The following DLGAP2 variants were observed in gnomAD, a reference collection of about 807,000 sequenced individuals.
DLGAP2 encodes the protein DLG associated protein 2.
A neutral mutation model predicts 100.3 loss-of-function variants in DLGAP2; 26 were observed. The observed-to-expected ratio is 0.26, with a 90% CI of 0.19 to 0.36. The LOEUF (loss-of-function observed/expected upper bound fraction) is 0.36, where lower values mean the gene tolerates loss of function less well. Ranked by LOEUF, DLGAP2 falls within the 10% of genes least tolerant of loss-of-function variation. The pLI is 1.00. For synonymous variants in DLGAP2, 886 were observed against 630.1 expected (o/e 1.41, Z -6.08); for missense variants, 1,858 against 1,453.2 (o/e 1.28, Z -4.53).
At chr8:1,367,747 C>T (rs1313517162) in intron 3 of DLGAP2, among the ~76,000 whole-genome samples, 2 of 152,202 alleles carry the variant, frequency 1.3e-5, no homozygotes, top group Non-Finnish European at 2.9e-5. Context: ...GCAGCACGTC[C>T]TTCACTGCAG....
intron 3 of DLGAP2, among the ~76,000 whole-genome samples, chr8:1,303,741 G>C (rs971569002): frequency 6.6e-6 from 1 of 152,070 alleles, no homozygotes; most frequent in Non-Finnish European, 1.5e-5. Flanking sequence ...TTTCTCCTCT[G>C]GTCTCTGGGG....
intron 3 of DLGAP2, chr8:1,302,653 T>G (rs1800384744): frequency 6.6e-6 from 1 of 152,264 alleles, no homozygotes; most frequent in African/African-American, 2.4e-5. Context: ...GGACTCAGCA[T>G]TTTACGTGAG....
chr8:848,379 G>C (rs191862345), intron 1 of DLGAP2, among the ~76,000 whole-genome samples: 1 of 121,438 alleles, frequency 8.2e-6, no homozygotes, highest in Non-Finnish European at 1.9e-5. Context: ...GTGTAGGGTC[G>C]TGCGGTGCGT....
At chr8:765,310 TA>T (rs1467588235) in intron 1 of DLGAP2, among the ~76,000 whole-genome samples, 3 of 152,276 alleles carry the variant, frequency 2.0e-5, no homozygotes, top group Non-Finnish European at 4.4e-5. Flanking sequence ...TTAAATACTG[TA>T]TTTGGTAAAA....
At chr8:1,527,842 C>T (rs541918329) in intron 4 of DLGAP2, among the ~76,000 whole-genome samples, 73 of 151,860 alleles carry the variant, frequency 4.8e-4, no homozygotes, top group Admixed American at 1.2e-3. Context: ...AGGGAAAGTC[C>T]ACCCATTTTT....
Position 1,619,018 on chromosome 8 carries a change from C to T in DLGAP2, c.1443-7722C>T, listed in dbSNP as rs138145757. On this transcript the variant is annotated intron_variant, in intron 6 of 14. Transcript: ENST00000637795. Reference sequence around the variant, plus strand: ...CGTGTGACAGAATAGAGACTCCAGCCGTCAAAATCTTTAAATTCTGTTCAT... The same window carrying T: ...CGTGTGACAGAATAGAGACTCCAGCTGTCAAAATCTTTAAATTCTGTTCAT... Among the ~76,000 whole-genome samples the T allele has an allele frequency of 3.5e-3, 529 of 152,174 alleles. 5 individuals are homozygous for T. The highest frequency in any genetic ancestry group is 0.011 in the African/African-American group (444 of 41,498).
intron 2 of DLGAP2, among the ~76,000 whole-genome samples, chr8:965,755 G>A (rs548504927): frequency 2.3e-5 from 3 of 129,920 alleles, no homozygotes; most frequent in South Asian, 5.3e-4. Context: ...CGGCTCCTGA[G>A]TCTGACCCCT....
chr8:1,004,433 A>G (rs1470983113), intron 2 of DLGAP2, among the ~76,000 whole-genome samples: 1 of 152,230 alleles, frequency 6.6e-6, no homozygotes, highest in African/African-American at 2.4e-5. Flanking sequence ...GGTGAGCTCT[A>G]CTTTTTCAAA....
chr8:1,110,664 C>T (rs1267009811), intron 2 of DLGAP2, among the ~76,000 whole-genome samples: 2 of 151,672 alleles, frequency 1.3e-5, no homozygotes, highest in Non-Finnish European at 2.9e-5. Context: ...CAATGAGAAA[C>T]CCAAACATCT....
chr8:1,505,829 G>A lies in DLGAP2; in HGVS notation c.172+4398G>A, dbSNP rs575705225. 2.6e-5 allele frequency among the ~76,000 whole-genome samples: 4 copies of A among 152,106 alleles called. No homozygotes were observed. The East Asian group carries it at 5.8e-4, about 22-fold the overall frequency. On this transcript the variant is annotated intron_variant, in intron 4 of 14. Transcript: ENST00000637795. The stretch of plus-strand genomic sequence containing the variant: ...AAGAATGGCATTTTTTCATTTTCCC[G>A]AATGTTATATTTAAATCAGCTGTAA...
rs376582597 is a variant in DLGAP2 at position 1,058,118 on chromosome 8, A to T, written c.73+150152A>T. On this transcript the variant is annotated intron_variant, in intron 2 of 14. Transcript: ENST00000637795. ...TGAGGATCACGTGGGGTTGCATGCGAGTGTATTCCCACAGGGGGCTTGGCT... is the reference window on the plus strand; with the variant it reads ...TGAGGATCACGTGGGGTTGCATGCGTGTGTATTCCCACAGGGGGCTTGGCT... Among the ~76,000 whole-genome samples, 565 of 152,196 alleles carry T rather than the reference A, an allele frequency of 3.7e-3. 2 individuals carry two copies. Among genetic ancestry groups the T allele is most frequent in the Non-Finnish European group, 6.1e-3 (413 of 68,008 alleles).
At chr8:1,261,342 G>A (rs974617578) in intron 3 of DLGAP2, among the ~76,000 whole-genome samples, 1 of 137,380 alleles carries the variant, frequency 7.3e-6, no homozygotes, top group Non-Finnish European at 1.6e-5. Flanking sequence ...TATTTAAAGC[G>A]AGACAGACTG....
At chr8:1,572,733 G>C (rs1489990560) in intron 6 of DLGAP2, among the ~76,000 whole-genome samples, 1 of 99,252 alleles carries the variant, frequency 1.0e-5, no homozygotes, top group Non-Finnish European at 2.0e-5. Context: ...GAGAGAGGGT[G>C]AACTGTGGGG....
At chr8:1,504,742 T>C (rs1016007336) in intron 4 of DLGAP2, among the ~76,000 whole-genome samples, 2 of 152,150 alleles carry the variant, frequency 1.3e-5, no homozygotes, top group Non-Finnish European at 1.5e-5. Context: ...TAAGACTGAG[T>C]AGGTATTCCA....
intron 6 of DLGAP2, among the ~76,000 whole-genome samples, chr8:1,606,593 A>C (rs1316001392): frequency 6.6e-6 from 1 of 152,222 alleles, no homozygotes; most frequent in Non-Finnish European, 1.5e-5. Flanking sequence ...CATTGTATGG[A>C]TAGACCACAG....
chr8:1,252,880 G>C (rs73531989), intron 2 of DLGAP2, among the ~76,000 whole-genome samples: 15,733 of 152,258 alleles, frequency 0.1, 2,151 homozygotes, highest in African/African-American at 0.31. Context: ...TTTTCTCCCT[G>C]TGTCTCTTAG....
At chr8:1,538,369 C>T (rs1584904279) in intron 4 of DLGAP2, among the ~76,000 whole-genome samples, 1 of 152,204 alleles carries the variant, frequency 6.6e-6, no homozygotes. Context: ...AGGCTGGGCA[C>T]ATTTTAAAAC....
rs77084123 is a variant in DLGAP2, at chr8:1,374,064, G to A, written c.106+115181G>A. On this transcript the variant is annotated intron_variant, in intron 3 of 14. Coordinates refer to ENST00000637795, the MANE Select transcript of DLGAP2 (RefSeq NM_001346810.2). ...GTGTGGTGGAGGTTAGGTTAGGTTT[G>A]CAGACGGCTGTGTGGTGGAGGTTAG... Among the ~76,000 whole-genome samples the A allele has an allele frequency of 6.6e-4, 92 of 138,618 alleles. 1 individual carries two copies. The highest frequency in any genetic ancestry group is 2.7e-3 in the Admixed American group (33 of 12,014). The allele number at this position is 138,618 out of a possible 152,430, so 90.9% of individuals were successfully genotyped here. A position where few individuals can be genotyped will look rare whatever the true frequency, so the allele number is the denominator to read the frequency against.
intron 2 of DLGAP2, among the ~76,000 whole-genome samples, chr8:941,696 GTTA>G (rs995250000): frequency 1.3e-5 from 2 of 152,092 alleles, no homozygotes; most frequent in African/African-American, 4.8e-5. Context: ...TCCCCTCTAT[GTTA>G]TTATTCTTTG....
Sources: allele counts gnomAD v4.1 joint callset (sites outside exome capture counted in the v4.1 genomes callset), GRCh38; gene constraint gnomAD v4.1.1; transcripts MANE v1.5; gene names NCBI Gene and HGNC (gene_info 2026-07-23, HGNC 2026-07-21).